The following EFNA5 variants were observed in gnomAD, a reference collection of about 807,000 sequenced individuals.
EFNA5 encodes ephrin-A5.
Under a neutral mutation model 22.9 loss-of-function variants are expected in EFNA5, and 5 were observed. That is an observed-to-expected ratio of 0.22 (90% CI 0.11 to 0.46). The LOEUF (loss-of-function observed/expected upper bound fraction) is 0.46, where lower values mean the gene tolerates loss of function less well. EFNA5 is among the 20% of genes least tolerant of loss of function. EFNA5 has a pLI of 0.99. For missense variants in EFNA5, 237 were observed against 293.3 expected (o/e 0.81, Z 1.40); for synonymous variants, 113 against 112.2 (o/e 1.01, Z -0.04).
intron 1 of EFNA5, among the ~76,000 whole-genome samples, chr5:107,645,687 T>A (rs974913881): frequency 9.9e-5 from 15 of 152,222 alleles, no homozygotes; most frequent in African/African-American, 3.6e-4. Flanking sequence ...ATGAATTCTT[T>A]ACAGAACAGC....
intron 1 of EFNA5, 78 bp from the exon 2 acceptor site, chr5:107,427,587 A>G: frequency 7.3e-7 from 1 of 1,361,020 alleles, no homozygotes; most frequent in East Asian, 2.3e-5. Context: ...TAAGCCATTC[A>G]ATAATTTTGG....
At position 107,486,071 on chromosome 5, in the gene EFNA5, G is replaced by A. The variant is rs532991891; in HGVS notation, c.126-58562C>T. ...GGCTGAGACGAGAAATGAGTGTCTCGCAGGTGAAATGACATTAAAGGCGTT... is the reference window on the plus strand; with the variant it reads ...GGCTGAGACGAGAAATGAGTGTCTCACAGGTGAAATGACATTAAAGGCGTT... On this transcript the variant is annotated intron_variant, in intron 1 of 4. Transcript: ENST00000333274. Among the ~76,000 whole-genome samples, 24 of 152,250 alleles carry A rather than the reference G, an allele frequency of 1.6e-4. No homozygotes were observed. The South Asian group carries it at 3.1e-3, about 20-fold the overall frequency.
intron 1 of EFNA5, among the ~76,000 whole-genome samples, chr5:107,552,318 G>A (rs1346747813): frequency 6.6e-6 from 1 of 152,096 alleles, no homozygotes; most frequent in Non-Finnish European, 1.5e-5. Flanking sequence ...AATAATAACT[G>A]CTAATATTAA....
intron 1 of EFNA5, among the ~76,000 whole-genome samples, chr5:107,456,248 A>G (rs1004819913): frequency 1.3e-5 from 2 of 152,112 alleles, no homozygotes; most frequent in Non-Finnish European, 2.9e-5. Context: ...GGTGTGATTT[A>G]TATTTTTATC....
chr5:107,638,695 A>C (rs1282925820), intron 1 of EFNA5, among the ~76,000 whole-genome samples: 1 of 152,176 alleles, frequency 6.6e-6, no homozygotes, highest in Non-Finnish European at 1.5e-5. Context: ...ATTTTATATA[A>C]GGGACTTGAC....
rs528324204 is a variant in EFNA5, at chr5:107,564,435, A to G, written c.125+106054T>C. On this transcript the variant is annotated intron_variant, in intron 1 of 4. Transcript: ENST00000333274. ...GTATGTGCTTGATGGTATTAGTTGT[A>G]TTTGCCCTGCAATTAGCGGATGATA... Among the ~76,000 whole-genome samples, 29 of 152,182 alleles carry G rather than the reference A, an allele frequency of 1.9e-4. 1 individual carries two copies. The highest frequency in any genetic ancestry group is 7.0e-4 in the African/African-American group (29 of 41,544).
chr5:107,664,926 C>CT (rs1056541157), intron 1 of EFNA5, among the ~76,000 whole-genome samples: 1 of 151,816 alleles, frequency 6.6e-6, no homozygotes, highest in Non-Finnish European at 1.5e-5. Flanking sequence ...GTCTTTATTG[C>CT]TACCGAAGTT....
chr5:107,440,073 T>C (rs1215071458), intron 1 of EFNA5, among the ~76,000 whole-genome samples: 2 of 152,214 alleles, frequency 1.3e-5, no homozygotes, highest in African/African-American at 4.8e-5. Context: ...CTCCCCACAC[T>C]CATTAAAAGG....
At chr5:107,512,649 C>G (rs1284597158) in intron 1 of EFNA5, among the ~76,000 whole-genome samples, 1 of 151,888 alleles carries the variant, frequency 6.6e-6, no homozygotes, top group Non-Finnish European at 1.5e-5. Context: ...GGTGTTTTTG[C>G]AAAAGCATAT....
In EFNA5 at chr5:107,584,963, C is replaced by T. The variant is rs151263471; in HGVS notation, c.125+85526G>A. On this transcript the variant is annotated intron_variant, in intron 1 of 4. Coordinates refer to ENST00000333274, the MANE Select transcript of EFNA5 (RefSeq NM_001962.3). The stretch of plus-strand genomic sequence containing the variant: ...CGTAGCAAGTCTTCTTCTGGTTATT[C>T]TAATGTAGGGAAAACAAGCACATCA... Among the ~76,000 whole-genome samples the T allele has an allele frequency of 3.3e-5, 5 of 152,230 alleles. No individual in the cohort carries two copies. The East Asian group carries it at 9.7e-4, about 29-fold the overall frequency.
intron 1 of EFNA5, among the ~76,000 whole-genome samples, chr5:107,497,688 C>T (rs896790631): frequency 6.6e-6 from 1 of 152,126 alleles, no homozygotes; most frequent in Non-Finnish European, 1.5e-5. Context: ...TTACATAACA[C>T]GCAGGGCACA....
chr5:107,556,646 T>C (rs1748422845), intron 1 of EFNA5, among the ~76,000 whole-genome samples: 1 of 151,900 alleles, frequency 6.6e-6, no homozygotes, highest in Admixed American at 6.6e-5. Context: ...CTCAGGAGGC[T>C]GGCACGGGAG....
intron 1 of EFNA5, among the ~76,000 whole-genome samples, chr5:107,500,251 A>G (rs1157657395): frequency 2.6e-5 from 4 of 152,328 alleles, no homozygotes; most frequent in Admixed American, 6.5e-5. Context: ...ATAAGGAAAA[A>G]CTGCCACAAA....
intron 1 of EFNA5, among the ~76,000 whole-genome samples, chr5:107,563,915 G>A (rs1257363875): frequency 6.6e-6 from 1 of 152,174 alleles, no homozygotes; most frequent in Admixed American, 6.5e-5. Context: ...CAAGTCATCA[G>A]AACCCTCCCT....
In EFNA5 at chr5:107,387,273, T is replaced by C; in HGVS notation, c.527A>G (p.Asp176Gly). The change falls in exon 4 of 5, where the codon GAT becomes GGT. Residue 176 changes from aspartate to glycine, a missense_variant. By Grantham distance (94) the Asp-to-Gly change is moderately conservative. Around this residue, in one of 3 missense-constraint regions of EFNA5, gnomAD observed 104 missense variants for 114.5 expected, o/e 0.91. Coordinates refer to ENST00000333274, the MANE Select transcript of EFNA5 (RefSeq NM_001962.3). Reference protein sequence around the residue: ...KTIGVHDRVFDVNDKVENSLE... With the variant: ...KTIGVHDRVFGVNDKVENSLE... ...TGAATTTTCTACTTTGTCGTTAACATCGAAAACACGATCATGAACACCTAT... is the reference window on the plus strand; with the variant it reads ...TGAATTTTCTACTTTGTCGTTAACACCGAAAACACGATCATGAACACCTAT... 6.2e-7 allele frequency: 1 copy of C among 1,606,108 alleles called. No homozygotes were observed. The highest frequency in any genetic ancestry group is 2.2e-5 in the East Asian group (1 of 44,672).
intron 1 of EFNA5, among the ~76,000 whole-genome samples, chr5:107,624,961 G>A (rs914952240): frequency 2.6e-5 from 4 of 152,030 alleles, no homozygotes; most frequent in Admixed American, 1.3e-4. Flanking sequence ...TCAGTAATTT[G>A]TACTGGGTTA....
At chr5:107,517,217 T>C (rs1307434337) in intron 1 of EFNA5, among the ~76,000 whole-genome samples, 2 of 151,700 alleles carry the variant, frequency 1.3e-5, no homozygotes, top group Admixed American at 6.6e-5. Context: ...GGTTATAGGG[T>C]GCAGGGAGGA....
At chr5:107,593,001 C>T (rs1224340776) in intron 1 of EFNA5, among the ~76,000 whole-genome samples, 1 of 152,106 alleles carries the variant, frequency 6.6e-6, no homozygotes, top group Non-Finnish European at 1.5e-5. Flanking sequence ...ACAAAAGCAG[C>T]AGTGCAATAT....
intron 1 of EFNA5, among the ~76,000 whole-genome samples, chr5:107,509,170 C>T (rs1351990283): frequency 6.6e-6 from 1 of 152,122 alleles, no homozygotes; most frequent in African/African-American, 2.4e-5. Context: ...TGCAATTTTG[C>T]TAAAAATTTT....
Sources: allele counts gnomAD v4.1 joint callset (sites outside exome capture counted in the v4.1 genomes callset), GRCh38; gene constraint gnomAD v4.1.1; regional missense constraint gnomAD v4.1.1; transcripts MANE v1.5; gene names NCBI Gene and HGNC (gene_info 2026-07-23, HGNC 2026-07-21).